The following CCDC192 variants were observed in gnomAD, a reference collection of about 807,000 sequenced individuals.
CCDC192 encodes coiled-coil domain-containing protein 192.
chr5:127,810,457 A>C (rs190202538), intron 5 of CCDC192, among the ~76,000 whole-genome samples: 6 of 152,300 alleles, frequency 3.9e-5, no homozygotes, highest in Non-Finnish European at 8.8e-5. Flanking sequence ...ATTAATTACA[A>C]GGAATGCTAA....
chr5:127,708,272 G>A (rs1032061034), intron 2 of CCDC192, among the ~76,000 whole-genome samples: 3 of 152,142 alleles, frequency 2.0e-5, no homozygotes, highest in African/African-American at 7.2e-5. Context: ...GCTCCATTAT[G>A]TCTTGGGAAA....
intron 2 of CCDC192, chr5:127,739,683 A>C (rs1290835348): frequency 1.3e-5 from 2 of 152,392 alleles, no homozygotes; most frequent in Non-Finnish European, 2.9e-5. Context: ...GGTGGGAGTG[A>C]CCCGATTTTC....
chr5:127,811,342 T>A (rs1377581809), intron 5 of CCDC192, among the ~76,000 whole-genome samples: 1 of 152,156 alleles, frequency 6.6e-6, no homozygotes, highest in Non-Finnish European at 1.5e-5. Context: ...AAAAGTTAAT[T>A]TCCTCTCCTT....
chr5:127,772,289 C>T (rs1755599478), intron 3 of CCDC192, among the ~76,000 whole-genome samples: 1 of 151,888 alleles, frequency 6.6e-6, no homozygotes, highest in South Asian at 2.1e-4. Flanking sequence ...GGTGAAATCC[C>T]ATCTCTACTA....
intron 6 of CCDC192, among the ~76,000 whole-genome samples, chr5:127,887,328 C>CA (rs10658827): frequency 0.018 from 1,615 of 87,486 alleles, 73 homozygotes; most frequent in African/African-American, 0.043. Context: ...GACTCTGTCT[C>CA]AAAAAAAAAA....
chr5:127,784,356 C>T (rs769492575), intron 3 of CCDC192, among the ~76,000 whole-genome samples: 1 of 152,182 alleles, frequency 6.6e-6, no homozygotes, highest in Admixed American at 6.5e-5. Context: ...AGCATGCAGC[C>T]TTCAGTGTGG....
At chr5:127,925,263 T>TAAC (rs776151748) in intron 6 of CCDC192, among the ~76,000 whole-genome samples, 1 of 152,074 alleles carries the variant, frequency 6.6e-6, no homozygotes, top group African/African-American at 2.4e-5. Context: ...TATCAGAAGA[T>TAAC]TTCCTAAACT....
intron 3 of CCDC192, among the ~76,000 whole-genome samples, chr5:127,761,395 G>A (rs548457252): frequency 6.6e-6 from 1 of 152,302 alleles, no homozygotes; most frequent in East Asian, 1.9e-4. Context: ...TTCAGATGGT[G>A]TTAAATACTT....
At chr5:127,901,737 T>G (rs1753044424) in intron 6 of CCDC192, among the ~76,000 whole-genome samples, 1 of 152,228 alleles carries the variant, frequency 6.6e-6, no homozygotes, top group African/African-American at 2.4e-5. Context: ...GGTTCATCTA[T>G]ATTTTAAAGG....
At chr5:127,740,714 A>G (rs1753364197) in intron 2 of CCDC192, among the ~76,000 whole-genome samples, 1 of 152,200 alleles carries the variant, frequency 6.6e-6, no homozygotes, top group South Asian at 2.1e-4. Flanking sequence ...AATTTTACAC[A>G]GTATAGCAAA....
At chr5:127,813,109 G>C (rs1465915565) in intron 5 of CCDC192, among the ~76,000 whole-genome samples, 1 of 152,192 alleles carries the variant, frequency 6.6e-6, no homozygotes, top group Non-Finnish European at 1.5e-5. Context: ...GTGGGAGCCC[G>C]TGCAGGGCGG....
chr5:127,894,187 A>AT (rs70997350), intron 6 of CCDC192, among the ~76,000 whole-genome samples: 5,939 of 110,968 alleles, frequency 0.054, 210 homozygotes, highest in Admixed American at 0.067. Flanking sequence ...GTCCTATCTA[A>AT]TTTTTTTTTT....
At chr5:127,834,250 AT>A (rs1749933488) in intron 5 of CCDC192, among the ~76,000 whole-genome samples, 1 of 152,104 alleles carries the variant, frequency 6.6e-6, no homozygotes, top group Admixed American at 6.6e-5. Context: ...CCTTCCCACA[AT>A]TTGTTGCCCT....
intron 6 of CCDC192, among the ~76,000 whole-genome samples, chr5:127,885,806 C>A (rs1385195997): frequency 3.3e-5 from 5 of 151,932 alleles, no homozygotes; most frequent in African/African-American, 1.2e-4. Flanking sequence ...TAGATATATA[C>A]CTCTGTGCAT....
At chr5:127,912,246 CAGGAAACA>C (rs1330394514) in intron 6 of CCDC192, among the ~76,000 whole-genome samples, 1 of 151,626 alleles carries the variant, frequency 6.6e-6, no homozygotes, top group African/African-American at 2.4e-5. Context: ...AAATTTTTGT[CAGGAAACA>C]AGGAAACAAC....
intron 3 of CCDC192, among the ~76,000 whole-genome samples, chr5:127,759,332 G>A (rs1754786551): frequency 6.6e-6 from 1 of 152,174 alleles, no homozygotes; most frequent in Admixed American, 6.5e-5. Context: ...GATAGTATGT[G>A]GTGGTGGGAT....
At chr5:127,731,651 C>T (rs192389332) in intron 2 of CCDC192, among the ~76,000 whole-genome samples, 2 of 152,266 alleles carry the variant, frequency 1.3e-5, no homozygotes, top group African/African-American at 4.8e-5. Flanking sequence ...CAGCATTGTA[C>T]TCGTACAAAA....
intron 6 of CCDC192, among the ~76,000 whole-genome samples, chr5:127,893,676 C>T (rs1023442024): frequency 6.6e-6 from 1 of 152,160 alleles, no homozygotes; most frequent in African/African-American, 2.4e-5. Context: ...GATAGTTTAA[C>T]ATAAGGGACA....
At chr5:127,918,446 G>A (rs1753593705) in intron 6 of CCDC192, among the ~76,000 whole-genome samples, 1 of 152,092 alleles carries the variant, frequency 6.6e-6, no homozygotes, top group Admixed American at 6.5e-5. Flanking sequence ...ATTTCTCCTT[G>A]AGAGTAGGGA....
Sources: gnomAD v4.1 joint callset for allele counts (sites outside exome capture counted in the v4.1 genomes callset) on GRCh38, gnomAD v4.1.1 for gene constraint, MANE v1.5 for transcripts, NCBI Gene and HGNC (gene_info 2026-07-23, HGNC 2026-07-21) for gene names.